The following CYP39A1 variants were observed in gnomAD, a reference collection of about 807,000 sequenced individuals.
The protein encoded by CYP39A1 is cytochrome P450 family 39 subfamily A member 1.
CYP39A1 carries 49 observed loss-of-function variants against 58.1 expected under a neutral mutation model. The observed-to-expected ratio is 0.84, with a 90% CI of 0.67 to 1.07. CYP39A1 has a LOEUF of 1.07. Ranked by LOEUF, CYP39A1 falls within the 50% of genes least tolerant of loss-of-function variation. The probability of loss-of-function intolerance (pLI) is 0.00; values close to 1 mark genes in which losing one functional copy is unlikely to be tolerated. For synonymous variants in CYP39A1, 209 were observed against 187.6 expected (o/e 1.11, Z -0.93); for missense variants, 531 against 539.4 (o/e 0.98, Z 0.16).
chr6:46,572,436 A>G (rs1771640452), intron 10 of CYP39A1, among the ~76,000 whole-genome samples: 1 of 152,176 alleles, frequency 6.6e-6, no homozygotes, highest in East Asian at 1.9e-4. Context: ...GCTTTGCCAG[A>G]TATATCATTG....
intron 10 of CYP39A1, among the ~76,000 whole-genome samples, chr6:46,559,088 G>A (rs567975106): frequency 6.9e-6 from 1 of 144,832 alleles, no homozygotes; most frequent in South Asian, 2.1e-4. Context: ...CATTCATTCA[G>A]TAGAAAATTT....
chr6:46,624,359 G>A (rs1775168884), intron 7 of CYP39A1, among the ~76,000 whole-genome samples: 1 of 152,166 alleles, frequency 6.6e-6, no homozygotes, highest in Non-Finnish European at 1.5e-5. Context: ...GCTGCACAAA[G>A]GCCAGTTGTC....
At chr6:46,594,157 A>G (rs897498334) in intron 8 of CYP39A1, among the ~76,000 whole-genome samples, 3 of 152,104 alleles carry the variant, frequency 2.0e-5, no homozygotes, top group Non-Finnish European at 4.4e-5. Context: ...AATGATTATT[A>G]AAGGGTTATT....
At chr6:46,631,115 A>T in intron 5 of CYP39A1, 45 bp from the exon 6 acceptor site, 2 of 1,345,048 alleles carry the variant, frequency 1.5e-6, no homozygotes, top group South Asian at 1.2e-5. Flanking sequence ...CTATGTGACA[A>T]ATATCGATGT....
intron 7 of CYP39A1, among the ~76,000 whole-genome samples, chr6:46,598,870 C>T (rs1773326599): frequency 6.6e-6 from 1 of 152,052 alleles, no homozygotes; most frequent in South Asian, 2.1e-4. Flanking sequence ...AGAGCAGTGC[C>T]CGGTATGTAC....
intron 7 of CYP39A1, among the ~76,000 whole-genome samples, chr6:46,609,278 C>G (rs1391106814): frequency 6.6e-6 from 1 of 151,836 alleles, no homozygotes; most frequent in African/African-American, 2.4e-5. Context: ...TGGCGGGTGC[C>G]TGTAGTTCCA....
intron 7 of CYP39A1, among the ~76,000 whole-genome samples, chr6:46,621,202 G>C (rs9472804): frequency 0.19 from 28,941 of 151,862 alleles, 2,927 homozygotes; most frequent in African/African-American, 0.27. Context: ...AACAGAAAGC[G>C]TCCCTGAAGA....
At chr6:46,648,793 T>C (rs1762487817) in intron 1 of CYP39A1, among the ~76,000 whole-genome samples, 1 of 151,982 alleles carries the variant, frequency 6.6e-6, no homozygotes. Context: ...TGATGTATAT[T>C]AAAACAGTTG....
At chr6:46,562,981 A>G (rs1771063939) in intron 10 of CYP39A1, among the ~76,000 whole-genome samples, 1 of 151,948 alleles carries the variant, frequency 6.6e-6, no homozygotes, top group Non-Finnish European at 1.5e-5. Flanking sequence ...AGCTATTAAG[A>G]TAGTATTGAT....
chr6:46,573,355 C>T (rs1410790018), intron 10 of CYP39A1, among the ~76,000 whole-genome samples: 1 of 152,086 alleles, frequency 6.6e-6, no homozygotes, highest in East Asian at 1.9e-4. Context: ...GATGTGGTGG[C>T]ATAGTCTGTG....
chr6:46,622,905 A>G (rs1775056984), intron 7 of CYP39A1, among the ~76,000 whole-genome samples: 2 of 152,242 alleles, frequency 1.3e-5, no homozygotes, highest in South Asian at 4.1e-4. Flanking sequence ...TTCAAGAACT[A>G]ACTGCCTTTA....
At chr6:46,571,586 C>T (rs983318095) in intron 10 of CYP39A1, among the ~76,000 whole-genome samples, 1 of 151,724 alleles carries the variant, frequency 6.6e-6, no homozygotes, top group Admixed American at 6.6e-5. Context: ...TTTTCCATCC[C>T]CTTCACTTTC....
intron 9 of CYP39A1, 72 bp downstream of exon 9, chr6:46,587,962 T>A: frequency 2.2e-6 from 2 of 912,486 alleles, no homozygotes; most frequent in Non-Finnish European, 3.3e-6. Flanking sequence ...CTAATTAATT[T>A]CTGAATTTAC....
intron 2 of CYP39A1, among the ~76,000 whole-genome samples, chr6:46,640,806 T>C (rs182626929): frequency 3.0e-5 from 4 of 132,322 alleles, no homozygotes; most frequent in African/African-American, 1.1e-4. Context: ...CCTGTGTCCA[T>C]TGTTGTCATT....
At chr6:46,626,842 T>C (rs1050485381) in intron 6 of CYP39A1, among the ~76,000 whole-genome samples, 1 of 152,204 alleles carries the variant, frequency 6.6e-6, no homozygotes, top group Non-Finnish European at 1.5e-5. Flanking sequence ...AACTACTCCA[T>C]ACTCACTTCA....
chr6:46,585,409 T>C (rs1246090800), intron 10 of CYP39A1, among the ~76,000 whole-genome samples: 1 of 152,096 alleles, frequency 6.6e-6, no homozygotes, highest in Admixed American at 6.6e-5. Context: ...CTGAAAAAAG[T>C]AGCATCTATT....
intron 1 of CYP39A1, among the ~76,000 whole-genome samples, chr6:46,649,276 T>C (rs1410000986): frequency 6.6e-6 from 1 of 152,242 alleles, no homozygotes; most frequent in African/African-American, 2.4e-5. Flanking sequence ...ACAGCTTTCA[T>C]CATCAAAGAG....
chr6:46,600,658 G>C (rs1364939503), intron 7 of CYP39A1, among the ~76,000 whole-genome samples: 2 of 152,124 alleles, frequency 1.3e-5, no homozygotes, highest in Non-Finnish European at 1.5e-5. Flanking sequence ...GGGGTTCAAA[G>C]AGCTTCTGGG....
intron 3 of CYP39A1, among the ~76,000 whole-genome samples, chr6:46,639,024 T>C (rs1015951131): frequency 3.3e-5 from 5 of 152,198 alleles, no homozygotes; most frequent in Non-Finnish European, 7.3e-5. Flanking sequence ...CCTGAGCCAC[T>C]TGTTAAGTAA....
Sources: allele counts gnomAD v4.1 joint callset (sites outside exome capture counted in the v4.1 genomes callset), GRCh38; gene constraint gnomAD v4.1.1; transcripts MANE v1.5; gene names NCBI Gene and HGNC (gene_info 2026-07-23, HGNC 2026-07-21).